Variants in WWTR1 observed in about 807,000 individuals in gnomAD.
WWTR1 encodes WW domain containing transcription regulator 1, also known as WW domain-containing transcription regulator protein 1.
WWTR1 carries 13 observed loss-of-function variants against 40.1 expected under a neutral mutation model. The ratio of observed to expected loss-of-function variants is 0.32; its 90% confidence interval spans 0.21 to 0.52. WWTR1 has a LOEUF of 0.52. Ranked by LOEUF, WWTR1 falls within the 20% of genes least tolerant of loss-of-function variation. The pLI, the probability that WWTR1 is intolerant of heterozygous loss-of-function variation, is 0.97. For missense variants in WWTR1, 436 were observed against 523.1 expected (o/e 0.83, Z 1.63); for synonymous variants, 230 against 210.1 (o/e 1.09, Z -0.82).
intron 2 of WWTR1, among the ~76,000 whole-genome samples, chr3:149,641,502 T>C (rs1201768724): frequency 6.6e-6 from 1 of 152,238 alleles, no homozygotes; most frequent in Admixed American, 6.5e-5. Context: ...TTGAGTCCTT[T>C]AATGGTTTTC....
intron 3 of WWTR1, among the ~76,000 whole-genome samples, chr3:149,566,998 A>T (rs1299369304): frequency 6.6e-6 from 1 of 152,064 alleles, no homozygotes; most frequent in Non-Finnish European, 1.5e-5. Flanking sequence ...CTCTAGTTGC[A>T]CTTTACCAAA....
At chr3:149,631,327 G>A (rs1206782480) in intron 2 of WWTR1, among the ~76,000 whole-genome samples, 1 of 152,090 alleles carries the variant, frequency 6.6e-6, no homozygotes, top group African/African-American at 2.4e-5. Context: ...GTTACTCTGG[G>A]TGTAGAGAGA....
At position 149,530,140 on chromosome 3, in the gene WWTR1, G is replaced by A. The variant is rs183083576; in HGVS notation, c.772-2171C>T. Among the ~76,000 whole-genome samples the A allele has an allele frequency of 7.2e-5, 11 of 152,244 alleles. No individual in the cohort carries two copies. In the South Asian group the frequency reaches 1.0e-3, roughly 14 times the overall value. On this transcript the variant is annotated intron_variant, in intron 4 of 6. Transcript: ENST00000360632. ...AGGCGGGTGGATCACGAGGTCAGGA[G>A]ATCAAGACCACCCTGGCTAACAAGG...
intron 4 of WWTR1, among the ~76,000 whole-genome samples, chr3:149,719,654 T>C (rs899161713): frequency 1.3e-5 from 2 of 152,216 alleles, no homozygotes; most frequent in South Asian, 2.1e-4. Flanking sequence ...CTGGATCATA[T>C]GGTAAATCTA....
intron 3 of WWTR1, among the ~76,000 whole-genome samples, chr3:149,563,944 G>A (rs1455387025): frequency 6.6e-6 from 1 of 152,098 alleles, no homozygotes; most frequent in Non-Finnish European, 1.5e-5. Context: ...GGTGGAGACG[G>A]GGTTTCGCCA....
At chr3:149,624,059 A>G (rs1447199354) in intron 2 of WWTR1, among the ~76,000 whole-genome samples, 5 of 152,024 alleles carry the variant, frequency 3.3e-5, no homozygotes, top group Non-Finnish European at 5.9e-5. Flanking sequence ...ATCCCTCCCC[A>G]CCACTACCAT....
At chr3:149,634,434 G>T (rs1711708881) in intron 2 of WWTR1, among the ~76,000 whole-genome samples, 1 of 152,162 alleles carries the variant, frequency 6.6e-6, no homozygotes, top group Non-Finnish European at 1.5e-5. Context: ...GATAAGAGCA[G>T]TAAGGAAAAG....
intron 2 of WWTR1, among the ~76,000 whole-genome samples, chr3:149,639,674 C>G (rs1249075892): frequency 2.0e-5 from 3 of 152,078 alleles, no homozygotes; most frequent in African/African-American, 7.2e-5. Context: ...CAAGAAATCA[C>G]CTCCCCAAAA....
At chr3:149,695,986 G>A (rs180980596) in intron 1 of WWTR1, among the ~76,000 whole-genome samples, 104 of 149,752 alleles carry the variant, frequency 6.9e-4, no homozygotes, top group African/African-American at 2.2e-3. Context: ...GGTGGTGGGC[G>A]CCTGTAGTCC....
At chr3:149,527,761 A>C in intron 5 of WWTR1, 75 bp downstream of exon 5, 1 of 1,599,348 alleles carries the variant, frequency 6.3e-7, no homozygotes, top group Non-Finnish European at 8.5e-7. Context: ...TTCCCAATGT[A>C]AACAAAGATC....
At chr3:149,593,829 G>A (rs924939739) in intron 2 of WWTR1, among the ~76,000 whole-genome samples, 1 of 152,200 alleles carries the variant, frequency 6.6e-6, no homozygotes, top group African/African-American at 2.4e-5. Flanking sequence ...AAATGTCTTT[G>A]AAGGTGGGCT....
chr3:149,599,030 A>C (rs1739127050), intron 2 of WWTR1, among the ~76,000 whole-genome samples: 1 of 152,218 alleles, frequency 6.6e-6, no homozygotes, highest in Admixed American at 6.5e-5. Flanking sequence ...TTGGCCAACC[A>C]ATTTTTATGA....
intron 3 of WWTR1, among the ~76,000 whole-genome samples, chr3:149,571,165 G>A (rs1052573768): frequency 4.6e-5 from 7 of 151,100 alleles, no homozygotes; most frequent in Non-Finnish European, 8.8e-5. Flanking sequence ...CAAACTTGGG[G>A]ACTGAGGAAA....
intron 2 of WWTR1, among the ~76,000 whole-genome samples, chr3:149,617,614 A>G (rs1238302669): frequency 6.6e-6 from 1 of 152,244 alleles, no homozygotes; most frequent in Non-Finnish European, 1.5e-5. Flanking sequence ...AGTCTGGCCA[A>G]CATGGTGAAA....
At chr3:149,685,336 G>A (rs1322901417) in intron 1 of WWTR1, among the ~76,000 whole-genome samples, 6 of 152,184 alleles carry the variant, frequency 3.9e-5, no homozygotes, top group Non-Finnish European at 4.4e-5. Flanking sequence ...GCCCAACAGA[G>A]AAAACCAGTC....
intron 5 of WWTR1, among the ~76,000 whole-genome samples, chr3:149,708,945 T>A (rs891203458): frequency 6.6e-6 from 1 of 152,170 alleles, no homozygotes; most frequent in Admixed American, 6.5e-5. Context: ...ATACTAGTGT[T>A]CCAGTTTCTT....
chr3:149,611,690 G>A (rs1576596172), intron 2 of WWTR1, among the ~76,000 whole-genome samples: 1 of 152,338 alleles, frequency 6.6e-6, no homozygotes, highest in East Asian at 1.9e-4. Context: ...TACAGGATAT[G>A]AGGTGGGGAG....
At chr3:149,640,354 ATC>A (rs998273949) in intron 2 of WWTR1, among the ~76,000 whole-genome samples, 8 of 152,230 alleles carry the variant, frequency 5.3e-5, no homozygotes, top group African/African-American at 1.9e-4. Flanking sequence ...TATGGCTTGC[ATC>A]TCTGATGGTT....
At chr3:149,654,052 T>A (rs974883912) in intron 2 of WWTR1, among the ~76,000 whole-genome samples, 1 of 151,982 alleles carries the variant, frequency 6.6e-6, no homozygotes, top group African/African-American at 2.4e-5. Context: ...GGAGAATCAC[T>A]TGAGTACAGG....
Sources: allele counts gnomAD v4.1 joint callset (sites outside exome capture counted in the v4.1 genomes callset), GRCh38; gene constraint gnomAD v4.1.1; transcripts MANE v1.5; gene names NCBI Gene and HGNC (gene_info 2026-07-23, HGNC 2026-07-21).